ERCC6L2: variants seen among roughly 807,000 people sequenced by gnomAD.
ERCC6L2 encodes the protein ERCC excision repair 6 like 2, also known as DNA excision repair protein ERCC-6-like 2.
Under a neutral mutation model 132.0 loss-of-function variants are expected in ERCC6L2, and 77 were observed. That is an observed-to-expected ratio of 0.58 (90% CI 0.49 to 0.71). The LOEUF (loss-of-function observed/expected upper bound fraction) is 0.71. Ranked by LOEUF, ERCC6L2 falls within the 30% of genes least tolerant of loss-of-function variation. The pLI is 0.00. For synonymous variants in ERCC6L2, 583 were observed against 632.4 expected (o/e 0.92, Z 1.17); for missense variants, 1,542 against 1,837.6 (o/e 0.84, Z 2.94).
intron 9 of ERCC6L2, among the ~76,000 whole-genome samples, chr9:95,926,951 CT>C (rs1004213386): frequency 6.6e-6 from 1 of 151,888 alleles, no homozygotes; most frequent in Non-Finnish European, 1.5e-5. Flanking sequence ...GCATTTTCTA[CT>C]CAGTTCTGTA....
chr9:95,952,390 A>G (rs1055293125), intron 12 of ERCC6L2, among the ~76,000 whole-genome samples: 1 of 152,154 alleles, frequency 6.6e-6, no homozygotes, highest in African/African-American at 2.4e-5. Flanking sequence ...CAGCATATTG[A>G]AAGGATGATA....
chr9:95,989,426 G>C (rs1224468166), intron 17 of ERCC6L2, among the ~76,000 whole-genome samples: 2 of 152,220 alleles, frequency 1.3e-5, no homozygotes, highest in Non-Finnish European at 2.9e-5. Context: ...TTTAGGGGTT[G>C]TATGCCAGGA....
intron 5 of ERCC6L2, 64 bp downstream of exon 5, chr9:95,915,893 C>A: frequency 1.4e-6 from 2 of 1,433,346 alleles, no homozygotes; most frequent in South Asian, 1.4e-5. Context: ...GTCTTGTTTG[C>A]TAATCATTAG....
intron 12 of ERCC6L2, among the ~76,000 whole-genome samples, chr9:95,943,218 A>G (rs1465723920): frequency 6.6e-6 from 1 of 152,188 alleles, no homozygotes; most frequent in Non-Finnish European, 1.5e-5. Context: ...AAAAATTAGT[A>G]ACAAGAACTA....
At chr9:95,961,446 G>A (rs1286472294) in intron 13 of ERCC6L2, among the ~76,000 whole-genome samples, 2 of 152,044 alleles carry the variant, frequency 1.3e-5, no homozygotes, top group Non-Finnish European at 2.9e-5. Flanking sequence ...ATGGCCCTAT[G>A]GACACCTTGA....
intron 4 of ERCC6L2, among the ~76,000 whole-genome samples, chr9:95,915,123 A>G (rs1055323363): frequency 2.0e-5 from 3 of 152,116 alleles, no homozygotes; most frequent in African/African-American, 7.2e-5. Flanking sequence ...TCGGCTGTTC[A>G]GTGTTTCCCC....
chr9:95,985,470 C>T (rs1459191883), intron 17 of ERCC6L2, among the ~76,000 whole-genome samples: 1 of 152,116 alleles, frequency 6.6e-6, no homozygotes, highest in Non-Finnish European at 1.5e-5. Context: ...TTATGAGTCA[C>T]CTTTGAGCAG....
At chr9:96,032,142 T>C (rs1306620445) in intron 19 of ERCC6L2, among the ~76,000 whole-genome samples, 1 of 152,048 alleles carries the variant, frequency 6.6e-6, no homozygotes, top group African/African-American at 2.4e-5. Context: ...CCACCTCACC[T>C]TCCACACCGG....
chr9:95,936,077 A>G (rs1276165526), intron 11 of ERCC6L2, among the ~76,000 whole-genome samples: 1 of 152,194 alleles, frequency 6.6e-6, no homozygotes, highest in Admixed American at 6.5e-5. Context: ...CAGCTCTGAA[A>G]AGGGCAGTGG....
In ERCC6L2 at chr9:95,956,019, T is replaced by A; in HGVS notation, c.1947+6T>A. On this transcript the variant is annotated splice_donor_region_variant and intron_variant, in intron 13 of 18. Transcript: ENST00000653738. ...TACGACAGATATACAAGCAGGTAAATATGTTTCCCTTTTTCTGTTTCAGAG... is the reference window on the plus strand; with the variant it reads ...TACGACAGATATACAAGCAGGTAAAAATGTTTCCCTTTTTCTGTTTCAGAG... 6.6e-7 allele frequency: 1 copy of A among 1,523,096 alleles called. No individual in the cohort carries two copies. The highest frequency in any genetic ancestry group is 2.3e-5 in the East Asian group (1 of 44,078). 94.3% of individuals were successfully genotyped at this position (1,523,096 alleles called of 1,614,324 possible).
intron 20 of ERCC6L2, among the ~76,000 whole-genome samples, chr9:96,040,419 C>T (rs887353718): frequency 2.6e-5 from 4 of 152,202 alleles, no homozygotes; most frequent in African/African-American, 4.8e-5. Context: ...CACGGTTCCT[C>T]GTGTGAACCA....
Position 96,014,708 on chromosome 9 carries a change from C to A in ERCC6L2, c.*1505C>A, listed in dbSNP as rs866060660. 3.3e-5 allele frequency: 5 copies of A among 152,224 alleles called. No homozygotes were observed. Among genetic ancestry groups the A allele is most frequent in the African/African-American group, 1.2e-4 (5 of 41,532 alleles). 9.4% of individuals were successfully genotyped at this position (152,224 alleles called of 1,614,324 possible). On this transcript the variant is annotated 3_prime_UTR_variant, in exon 19 of 19. Coordinates refer to ENST00000653738, the MANE Select transcript of ERCC6L2 (RefSeq NM_020207.7). ...ATGGTTAAGATCCACAGTGTGAAAA[C>A]GCTGTTTTAAATTATATGAGTTCGT...
chr9:95,905,977 AGTG>A (rs1457376804), intron 3 of ERCC6L2, among the ~76,000 whole-genome samples: 1 of 152,216 alleles, frequency 6.6e-6, no homozygotes, highest in Non-Finnish European at 1.5e-5. Flanking sequence ...GGATAGGAAT[AGTG>A]GTAACAGGGA....
Position 95,880,931 on chromosome 9 carries a change from G to C in ERCC6L2, c.109G>C (p.Ala37Pro). 1 of 1,613,788 alleles carries C rather than the reference G, an allele frequency of 6.2e-7. No homozygotes were observed. The highest frequency in any genetic ancestry group is 8.5e-7 in the Non-Finnish European group (1 of 1,179,874). ...PSPDNGKLCE[A>P]SIKSITVDEN... Reference sequence around the variant, plus strand: ...TCCAGATAATGGAAAACTTTGTGAAGCAAGCATAAAATCTATCACAGTGGA... The same window carrying C: ...TCCAGATAATGGAAAACTTTGTGAACCAAGCATAAAATCTATCACAGTGGA... The change falls in exon 2 of 19, where the codon GCA becomes CCA. Residue 37 changes from alanine to proline, a missense_variant. This residue lies in a region of ERCC6L2 where 153 missense variants were observed against 132.3 expected (regional missense o/e 1.16). Transcript: ENST00000653738.
rs1309642850 is a variant in ERCC6L2, at chr9:95,881,108, A to G, written c.286A>G (p.Asn96Asp). ...DEDLEKPYFP[N>D]RKFPSSSVAF... ...AGATTTAGAAAAACCTTATTTCCCA[A>G]ACCGAAAATTTCCATCATCTTCTGT... The change falls in exon 2 of 19, where the codon AAC becomes GAC. Residue 96 changes from asparagine (N) to aspartate (D), a missense_variant. Physicochemically the swap from Asn to Asp is conservative, Grantham distance 23. Coordinates refer to ENST00000653738, the MANE Select transcript of ERCC6L2 (RefSeq NM_020207.7). The G allele has an allele frequency of 6.2e-7, 1 of 1,613,374 alleles. No individual in the cohort carries two copies. The highest frequency in any genetic ancestry group is 8.5e-7 in the Non-Finnish European group (1 of 1,179,808).
At chr9:95,954,143 A>G (rs976678811) in intron 12 of ERCC6L2, among the ~76,000 whole-genome samples, 4 of 152,226 alleles carry the variant, frequency 2.6e-5, no homozygotes, top group Admixed American at 1.3e-4. Flanking sequence ...GGTCATAGCC[A>G]ATAAGTGGCA....
chr9:95,942,222 G>A (rs1830837440), intron 12 of ERCC6L2, among the ~76,000 whole-genome samples: 1 of 152,094 alleles, frequency 6.6e-6, no homozygotes, highest in African/African-American at 2.4e-5. Flanking sequence ...CCCAGGACAT[G>A]AAAAAGGGAA....
intron 2 of ERCC6L2, among the ~76,000 whole-genome samples, chr9:95,893,415 G>A (rs1350023504): frequency 6.6e-6 from 1 of 152,076 alleles, no homozygotes; most frequent in Non-Finnish European, 1.5e-5. Flanking sequence ...TAAATTTCCT[G>A]TATTATAATG....
At position 95,927,102 on chromosome 9, in the gene ERCC6L2, A is replaced by G. The variant is rs79306532; in HGVS notation, c.1534-977A>G. 4.1e-3 allele frequency among the ~76,000 whole-genome samples: 626 copies of G among 152,246 alleles called. 7 individuals are homozygous for G. Among genetic ancestry groups the G allele is most frequent in the African/African-American group, 0.014 (597 of 41,568 alleles). ...CATATGTTCTCCAAATGTGAAAGTA[A>G]TGTTTACCCGATCCATAACATTTTT... On this transcript the variant is annotated intron_variant, in intron 9 of 18. Coordinates refer to ENST00000653738, the MANE Select transcript of ERCC6L2 (RefSeq NM_020207.7).
Sources: allele counts gnomAD v4.1 joint callset (sites outside exome capture counted in the v4.1 genomes callset), GRCh38; gene constraint gnomAD v4.1.1; regional missense constraint gnomAD v4.1.1; transcripts MANE v1.5; gene names NCBI Gene and HGNC (gene_info 2026-07-23, HGNC 2026-07-21).